Variants in PSIP1 observed in about 807,000 individuals in gnomAD.
PSIP1 encodes PC4 and SFRS1-interacting protein.
In PSIP1, 19 loss-of-function variants were observed where a neutral mutation model predicts 74.7. The observed-to-expected ratio is 0.25, with a 90% confidence interval of 0.18 to 0.37. The LOEUF (loss-of-function observed/expected upper bound fraction) is 0.37, where lower values mean the gene tolerates loss of function less well. Ranked by LOEUF, PSIP1 falls within the 10% of genes least tolerant of loss-of-function variation. The pLI is 1.00. For synonymous variants in PSIP1, 222 were observed against 195.3 expected (o/e 1.14, Z -1.14); for missense variants, 601 against 614.3 (o/e 0.98, Z 0.23).
At chr9:15,475,415 A>G (rs955439251) in intron 8 of PSIP1, among the ~76,000 whole-genome samples, 3 of 152,138 alleles carry the variant, frequency 2.0e-5, no homozygotes, top group African/African-American at 7.2e-5. Flanking sequence ...CTTAAACAAT[A>G]CTGGCCAACT....
intron 9 of PSIP1, among the ~76,000 whole-genome samples, 179 bp downstream of exon 9, chr9:15,473,830 G>C (rs1249243395): frequency 6.6e-6 from 1 of 150,866 alleles, no homozygotes; most frequent in Non-Finnish European, 1.5e-5. Context: ...GAATCCAGGA[G>C]GCAGAGGTTG....
chr9:15,504,623 G>T (rs2037500265), intron 3 of PSIP1, among the ~76,000 whole-genome samples: 1 of 151,956 alleles, frequency 6.6e-6, no homozygotes, highest in East Asian at 1.9e-4. Flanking sequence ...TGTAGTCCCA[G>T]CTACTCGGGA....
At chr9:15,475,287 A>G (rs537817472) in intron 8 of PSIP1, among the ~76,000 whole-genome samples, 9 of 152,296 alleles carry the variant, frequency 5.9e-5, no homozygotes, top group African/African-American at 2.2e-4. Context: ...AAATGAAAGT[A>G]AAAGCATGCA....
intron 6 of PSIP1, among the ~76,000 whole-genome samples, chr9:15,480,186 G>T (rs1459833404): frequency 2.0e-5 from 3 of 152,196 alleles, no homozygotes; most frequent in Non-Finnish European, 2.9e-5. Context: ...CTCCTGGAGA[G>T]AATGGCCCCA....
rs868465998 is a variant in PSIP1 at position 15,490,537 on chromosome 9, G to C, written c.150-413C>G. The stretch of plus-strand genomic sequence containing the variant: ...ATCTCTACTAAAAATACAAAAATTA[G>C]CCGGGCGTGGTGGCGTGCACCTGTA... On this transcript the variant is annotated intron_variant, in intron 3 of 15. Transcript: ENST00000380733. Among the ~76,000 whole-genome samples, 3 of 152,072 alleles carry C rather than the reference G, an allele frequency of 2.0e-5. No individual in the cohort carries two copies. The South Asian group carries it at 6.2e-4, about 32-fold the overall frequency.
chr9:15,500,651 T>C (rs1328921692), intron 3 of PSIP1, among the ~76,000 whole-genome samples: 1 of 152,212 alleles, frequency 6.6e-6, no homozygotes, highest in Non-Finnish European at 1.5e-5. Flanking sequence ...CCACTATCAG[T>C]ACCTCTGCAC....
chr9:15,500,173 A>AC (rs2037268129), intron 3 of PSIP1, among the ~76,000 whole-genome samples: 1 of 152,224 alleles, frequency 6.6e-6, no homozygotes, highest in Non-Finnish European at 1.5e-5. Context: ...GCTGGTAAAG[A>AC]GAGATCAATA....
rs1284466533 is a variant in PSIP1 at position 15,464,535 on chromosome 9, T to C, written c.*985A>G. On this transcript the variant is annotated 3_prime_UTR_variant, in exon 16 of 16. Transcript: ENST00000380733. ...AATGCTGGAACAACTAGTGTTTGTA[T>C]TTTTGGAATCTAGAAAATAAAAACA... 1.5e-5 allele frequency: 3 copies of C among 200,466 alleles called. No individual in the cohort carries two copies. The highest frequency in any genetic ancestry group is 1.0e-5 in the Non-Finnish European group (1 of 97,478). 12.4% of individuals were successfully genotyped at this position (200,466 alleles called of 1,614,324 possible). A position where few individuals can be genotyped will look rare whatever the true frequency, so the allele number is the denominator to read the frequency against.
intron 1 of PSIP1, among the ~76,000 whole-genome samples, chr9:15,510,531 T>C (rs937314034): frequency 2.0e-5 from 3 of 151,950 alleles, no homozygotes; most frequent in African/African-American, 7.3e-5. Flanking sequence ...GAAGCAGGGA[T>C]GCTGCCCGGC....
At chr9:15,483,919 G>A (rs2036444072) in intron 6 of PSIP1, among the ~76,000 whole-genome samples, 1 of 152,068 alleles carries the variant, frequency 6.6e-6, no homozygotes, top group Non-Finnish European at 1.5e-5. Flanking sequence ...CTTGAGGCCA[G>A]GAGTTTGAGA....
At chr9:15,488,502 T>C (rs1434657631) in intron 4 of PSIP1, among the ~76,000 whole-genome samples, 1 of 152,216 alleles carries the variant, frequency 6.6e-6, no homozygotes, top group Non-Finnish European at 1.5e-5. Context: ...AGACCTCTCA[T>C]AGCCCTCTGA....
At chr9:15,508,056 C>G (rs2037680708) in intron 2 of PSIP1, among the ~76,000 whole-genome samples, 1 of 152,176 alleles carries the variant, frequency 6.6e-6, no homozygotes, top group South Asian at 2.1e-4. Context: ...TATGCAAATA[C>G]CTAGCACCTA....
intron 6 of PSIP1, 100 bp downstream of exon 6, chr9:15,485,906 A>G: frequency 9.2e-7 from 1 of 1,087,782 alleles, no homozygotes; most frequent in Non-Finnish European, 1.3e-6. Context: ...GTTTAGAATA[A>G]AAGCTGAAAT....
chr9:15,483,062 C>T (rs1202543069), intron 6 of PSIP1, among the ~76,000 whole-genome samples: 1 of 152,120 alleles, frequency 6.6e-6, no homozygotes, highest in Non-Finnish European at 1.5e-5. Flanking sequence ...GCAACCTTTC[C>T]CCCTCTCCAT....
chr9:15,493,012 G>C (rs2036907077), intron 3 of PSIP1, among the ~76,000 whole-genome samples: 1 of 152,192 alleles, frequency 6.6e-6, no homozygotes, highest in Non-Finnish European at 1.5e-5. Flanking sequence ...CTGCCAGGAA[G>C]GTCACTGGTA....
At chr9:15,483,891 G>A (rs2036443063) in intron 6 of PSIP1, among the ~76,000 whole-genome samples, 1 of 152,108 alleles carries the variant, frequency 6.6e-6, no homozygotes, top group Admixed American at 6.5e-5. Flanking sequence ...ACTTTGGGAG[G>A]CAGAGGTGAG....
intron 7 of PSIP1, 49 bp downstream of exon 7, chr9:15,479,542 G>T: frequency 2.1e-6 from 3 of 1,431,768 alleles, no homozygotes; most frequent in South Asian, 1.3e-5. Flanking sequence ...TAAATGGACT[G>T]GAATATTAAT....
At chr9:15,483,224 C>T (rs1303600865) in intron 6 of PSIP1, among the ~76,000 whole-genome samples, 1 of 152,172 alleles carries the variant, frequency 6.6e-6, no homozygotes, top group Non-Finnish European at 1.5e-5. Context: ...TCTCTTCACT[C>T]CAGTTCCCAC....
intron 3 of PSIP1, among the ~76,000 whole-genome samples, chr9:15,500,949 C>A (rs2132208700): frequency 6.6e-6 from 1 of 152,214 alleles, no homozygotes; most frequent in Non-Finnish European, 1.5e-5. Context: ...ATGGGTAAAT[C>A]CCCACAACTC....
Sources: gnomAD v4.1 joint callset for allele counts (sites outside exome capture counted in the v4.1 genomes callset) on GRCh38, gnomAD v4.1.1 for gene constraint, MANE v1.5 for transcripts, NCBI Gene and HGNC (gene_info 2026-07-23, HGNC 2026-07-21) for gene names.